The following TERB2 variants were observed in gnomAD, a reference collection of about 807,000 sequenced individuals.
TERB2 encodes the protein telomere repeat binding bouquet formation protein 2.
A neutral mutation model predicts 29.8 loss-of-function variants in TERB2; 26 were observed. The ratio of observed to expected loss-of-function variants is 0.87; its 90% confidence interval spans 0.64 to 1.21. The LOEUF (loss-of-function observed/expected upper bound fraction) is 1.21. Ranked by LOEUF, TERB2 falls within the 50% of genes most tolerant of loss-of-function variation. The pLI is 0.00. For missense variants in TERB2, 240 were observed against 268.6 expected, an observed-to-expected ratio of 0.89 and a Z score of 0.74; for synonymous variants, 80 against 90.8, an observed-to-expected ratio of 0.88 and a Z score of 0.68.
At chr15:44,974,503 T>C (rs1226282970) in intron 6 of TERB2, among the ~76,000 whole-genome samples, 1 of 152,218 alleles carries the variant, frequency 6.6e-6, no homozygotes, top group Non-Finnish European at 1.5e-5. Flanking sequence ...CAGATGTCCA[T>C]GGACTCCTTA....
intron 5 of TERB2, 107 bp from the exon 6 acceptor site, chr15:44,973,760 T>A (rs11633067): frequency 0.017 from 13,197 of 791,078 alleles, 118 homozygotes; most frequent in Admixed American, 0.028. Context: ...GTAAAGGTAA[T>A]TATGTATTAT....
At chr15:44,957,539 T>C (rs1044156285) in intron 2 of TERB2, among the ~76,000 whole-genome samples, 11 of 152,132 alleles carry the variant, frequency 7.2e-5, no homozygotes, top group African/African-American at 2.2e-4. Flanking sequence ...TCCAAAACTT[T>C]GAATAACTTT....
At chr15:44,964,826 A>C (rs1435534471) in intron 4 of TERB2, among the ~76,000 whole-genome samples, 2 of 152,060 alleles carry the variant, frequency 1.3e-5, no homozygotes, top group Admixed American at 1.3e-4. Flanking sequence ...GGAGCATTAC[A>C]ATTGTTTGGA....
At chr15:44,974,017 G>T in intron 6 of TERB2, 62 bp downstream of exon 6, 1 of 1,359,192 alleles carries the variant, frequency 7.4e-7, no homozygotes, top group African/African-American at 1.5e-5. Context: ...ATATTGTGTT[G>T]AATAAAGCTG....
intron 5 of TERB2, chr15:44,970,902 G>A (rs544583300): frequency 6.5e-6 from 1 of 155,014 alleles, no homozygotes; most frequent in East Asian, 1.9e-4. Context: ...TCAATATACA[G>A]AATAGGCCTT....
chr15:44,970,163 A>C (rs1424495728), intron 5 of TERB2: 1 of 157,886 alleles, frequency 6.3e-6, no homozygotes, highest in African/African-American at 2.4e-5. Context: ...GGGAATACTC[A>C]AAATGATCTT....
chr15:44,978,730 G>T lies in TERB2; in HGVS notation c.*102G>T. 7.8e-7 allele frequency: 1 copy of T among 1,283,588 alleles called. No homozygotes were observed. The highest frequency in any genetic ancestry group is 1.0e-6 in the Non-Finnish European group (1 of 993,188). The allele number at this position is 1,283,588 out of a possible 1,614,324, so 79.5% of individuals were successfully genotyped here. ...TTTTGGTACTGGGGGATAGTGAAAT[G>T]GGAAATAATTTTTCTGTTTCTCAAA... On this transcript the variant is annotated 3_prime_UTR_variant, in exon 7 of 7. Transcript: ENST00000340827.
intron 5 of TERB2, among the ~76,000 whole-genome samples, chr15:44,971,565 C>A (rs1458984727): frequency 6.6e-6 from 1 of 152,062 alleles, no homozygotes; most frequent in East Asian, 1.9e-4. Flanking sequence ...ACCATCCTGG[C>A]AAACACAGTT....
chr15:44,958,393 A>G lies in TERB2; in HGVS notation c.167A>G (p.Tyr56Cys). The change falls in exon 3 of 7, where the codon TAC (tyrosine) becomes TGC (cysteine). Residue 56 changes from tyrosine (Y) to cysteine (C), a missense_variant. By Grantham distance (194) the Tyr-to-Cys change is radical. Transcript: ENST00000340827. ...DTLRIYQSLD[Y>C]IEDNATVFHA... ...CCTAGAATATATCAGAGCCTTGATTACATAGAAGATAATGCTACAGTTTTT... is the reference window on the plus strand; with the variant it reads ...CCTAGAATATATCAGAGCCTTGATTGCATAGAAGATAATGCTACAGTTTTT... The G allele has an allele frequency of 1.2e-6, 2 of 1,613,110 alleles. No homozygotes were observed. Among genetic ancestry groups the G allele is most frequent in the Non-Finnish European group, 1.7e-6 (2 of 1,179,804 alleles).
intron 4 of TERB2, among the ~76,000 whole-genome samples, chr15:44,962,293 T>G (rs1187030096): frequency 1.3e-5 from 2 of 151,502 alleles, no homozygotes; most frequent in Admixed American, 1.3e-4. Flanking sequence ...GCCATTCTCC[T>G]GCCTCAGCCT....
At chr15:44,977,011 A>G (rs1892056636) in intron 6 of TERB2, among the ~76,000 whole-genome samples, 1 of 152,022 alleles carries the variant, frequency 6.6e-6, no homozygotes, top group African/African-American at 2.4e-5. Flanking sequence ...AGGCTAATAC[A>G]TAGAGAAAAA....
intron 6 of TERB2, among the ~76,000 whole-genome samples, chr15:44,975,478 G>C (rs1021881974): frequency 1.3e-5 from 2 of 152,030 alleles, no homozygotes; most frequent in African/African-American, 4.8e-5. Flanking sequence ...GGAATGGGTT[G>C]GGTTCAACAC....
chr15:44,966,280 A>G (rs758616832), intron 5 of TERB2, 37 bp downstream of exon 5: 3 of 1,339,326 alleles, frequency 2.2e-6, no homozygotes, highest in East Asian at 5.5e-5. Context: ...ATTCAATTCA[A>G]TGTAGAAATC....
chr15:44,970,305 A>G (rs1379859803), intron 5 of TERB2: 1 of 258,502 alleles, frequency 3.9e-6, no homozygotes, highest in African/African-American at 2.3e-5. Flanking sequence ...TGTAGTATAA[A>G]AAAGAACTTT....
chr15:44,974,095 A>C (rs1892009703), intron 6 of TERB2, 140 bp downstream of exon 6: 8 of 919,042 alleles, frequency 8.7e-6, no homozygotes, highest in Non-Finnish European at 8.4e-6. Context: ...CACATCACTT[A>C]AATATTGAAT....
At position 44,978,952 on chromosome 15, in the gene TERB2, T is replaced by C; in HGVS notation, c.*324T>C. ...TCCTCCTCCTCTTTCTTGCTTTCTC[T>C]TTTCCCTCTCTCTTTCTCTCCTCCC... On this transcript the variant is annotated 3_prime_UTR_variant, in exon 7 of 7. Coordinates refer to ENST00000340827, the MANE Select transcript of TERB2 (RefSeq NM_152448.3). 1 of 163,478 alleles carries C rather than the reference T, an allele frequency of 6.1e-6. No homozygotes were observed. The highest frequency in any genetic ancestry group is 1.3e-5 in the Non-Finnish European group (1 of 76,238). 10.1% of individuals were successfully genotyped at this position (163,478 alleles called of 1,614,324 possible).
rs747944283 is a variant in TERB2 at position 44,959,283 on chromosome 15, G to A, written c.286+771G>A. ...GGGGAAGTAAATAAACTGCTTCTGAGATTGGTTCTTTTAATTTTCCCTGCT... is the reference window on the plus strand; with the variant it reads ...GGGGAAGTAAATAAACTGCTTCTGAAATTGGTTCTTTTAATTTTCCCTGCT... On this transcript the variant is annotated intron_variant, in intron 3 of 6. Coordinates refer to ENST00000340827, the MANE Select transcript of TERB2 (RefSeq NM_152448.3). 7.0e-4 allele frequency among the ~76,000 whole-genome samples: 106 copies of A among 152,216 alleles called. 1 individual carries two copies. The highest frequency in any genetic ancestry group is 2.3e-3 in the Admixed American group (35 of 15,280).
chr15:44,968,668 C>T (rs1372512981), intron 5 of TERB2, among the ~76,000 whole-genome samples: 23 of 123,130 alleles, frequency 1.9e-4, no homozygotes, highest in African/African-American at 7.2e-4. Context: ...GATTTCAGTT[C>T]ACTGCAGCCT....
At chr15:44,964,764 A>G (rs1200194764) in intron 4 of TERB2, among the ~76,000 whole-genome samples, 1 of 152,194 alleles carries the variant, frequency 6.6e-6, no homozygotes, top group Non-Finnish European at 1.5e-5. Context: ...GTAACCATAG[A>G]ATATATACGT....
Sources: gnomAD v4.1 joint callset for allele counts (sites outside exome capture counted in the v4.1 genomes callset) on GRCh38, gnomAD v4.1.1 for gene constraint, MANE v1.5 for transcripts, NCBI Gene and HGNC (gene_info 2026-07-23, HGNC 2026-07-21) for gene names.